PALMD: variants seen among roughly 807,000 people sequenced by gnomAD.
The protein encoded by PALMD is paralemmin-like protein.
In PALMD, 42 loss-of-function variants were observed where a neutral mutation model predicts 56.2. That is an observed-to-expected ratio of 0.75 (90% CI 0.58 to 0.97). PALMD has a LOEUF of 0.97. Ranked by LOEUF, PALMD falls within the 50% of genes least tolerant of loss-of-function variation. The pLI, the probability that PALMD is intolerant of heterozygous loss-of-function variation, is 0.00. For synonymous variants in PALMD, 242 were observed against 222.9 expected (o/e 1.09, Z -0.76); for missense variants, 660 against 643.8 (o/e 1.03, Z -0.27).
rs202123371 is a variant in PALMD at position 99,689,289 on chromosome 1, G to T, written c.1029G>T (p.Pro343=). 6.2e-7 allele frequency: 1 copy of T among 1,613,314 alleles called. No homozygotes were observed. Among genetic ancestry groups the T allele is most frequent in the African/African-American group, 1.3e-5 (1 of 74,852 alleles). The change falls in exon 7 of 8, where the codon CCG becomes CCT. Residue 343 remains proline (P), a synonymous_variant. Transcript: ENST00000263174. The stretch of plus-strand genomic sequence containing the variant: ...AAGCAGAAGAGAAGCTTCACACCCC[G>T]CAAAAAAGGCTAATGACTCCTTGGG... ...IQQAEEKLHT[P]QKRLMTPWEE... is the part of the protein sequence containing the mutation.
At position 99,667,554 on chromosome 1, in the gene PALMD, A is replaced by G. The variant is rs563947602; in HGVS notation, c.127-88A>G. On this transcript the variant is annotated intron_variant, in intron 2 of 7. Coordinates refer to ENST00000263174, the MANE Select transcript of PALMD (RefSeq NM_017734.5). ...ATAATTCCTCTTTAACGTGTCACCTATTGAAATTCATAAGATTTGAAAGCA... is the reference window on the plus strand; with the variant it reads ...ATAATTCCTCTTTAACGTGTCACCTGTTGAAATTCATAAGATTTGAAAGCA... The G allele has an allele frequency of 1.3e-4, 140 of 1,062,404 alleles. 2 individuals carry two copies. In the South Asian group the frequency reaches 1.8e-3, roughly 14 times the overall value. The allele number at this position is 1,062,404 out of a possible 1,614,324, so 65.8% of individuals were successfully genotyped here.
At chr1:99,671,397 T>C (rs1653085120) in intron 3 of PALMD, among the ~76,000 whole-genome samples, 1 of 152,158 alleles carries the variant, frequency 6.6e-6, no homozygotes, top group Admixed American at 6.5e-5. Context: ...GAGCCTCAGT[T>C]TCCTTGCCTG....
intron 3 of PALMD, among the ~76,000 whole-genome samples, chr1:99,673,031 G>A (rs373203084): frequency 6.6e-6 from 1 of 152,120 alleles, no homozygotes; most frequent in East Asian, 1.9e-4. Context: ...AGCCAAGTGG[G>A]CTGGTACAGC....
Position 99,681,576 on chromosome 1 carries a change from A to C in PALMD, c.252-5100A>C, listed in dbSNP as rs1037656916. Among the ~76,000 whole-genome samples, 3 of 152,232 alleles carry C rather than the reference A, an allele frequency of 2.0e-5. No homozygotes were observed. In the South Asian group the frequency reaches 6.2e-4, roughly 32 times the overall value. Reference sequence around the variant, plus strand: ...ATAAAAATATAAAAGAAATGGATATAAACAAATTCCTTATAAAGTACCTAT... The same window carrying C: ...ATAAAAATATAAAAGAAATGGATATCAACAAATTCCTTATAAAGTACCTAT... On this transcript the variant is annotated intron_variant, in intron 3 of 7. Coordinates refer to ENST00000263174, the MANE Select transcript of PALMD (RefSeq NM_017734.5).
At chr1:99,691,601 G>C (rs561650780) in intron 7 of PALMD, among the ~76,000 whole-genome samples, 1 of 152,144 alleles carries the variant, frequency 6.6e-6, no homozygotes, top group Admixed American at 6.6e-5. Flanking sequence ...TTTTTAAGTA[G>C]GTTTTAAAAA....
intron 3 of PALMD, among the ~76,000 whole-genome samples, chr1:99,671,499 C>A (rs1301196683): frequency 6.6e-6 from 1 of 152,166 alleles, no homozygotes; most frequent in African/African-American, 2.4e-5. Flanking sequence ...AAATACTAGT[C>A]CTTACTAAAA....
chr1:99,689,279 T>C lies in PALMD; in HGVS notation c.1019T>C (p.Leu340Pro). ...RSVIQQAEEK[L>P]HTPQKRLMTP... is the part of the protein sequence containing the mutation. Reference sequence around the variant, plus strand: ...GTGATTCAACAAGCAGAAGAGAAGCTTCACACCCCGCAAAAAAGGCTAATG... The same window carrying C: ...GTGATTCAACAAGCAGAAGAGAAGCCTCACACCCCGCAAAAAAGGCTAATG... The change falls in exon 7 of 8, where the codon CTT (leucine) becomes CCT (proline). Residue 340 changes from leucine to proline, a missense_variant. Leu to Pro is a moderately conservative substitution (Grantham distance 98). Coordinates refer to ENST00000263174, the MANE Select transcript of PALMD (RefSeq NM_017734.5). The C allele has an allele frequency of 6.2e-7, 1 of 1,613,412 alleles. No homozygotes were observed. The highest frequency in any genetic ancestry group is 1.7e-4 in the Middle Eastern group (1 of 6,058).
intron 7 of PALMD, among the ~76,000 whole-genome samples, chr1:99,692,445 A>G (rs1157532902): frequency 6.6e-6 from 1 of 152,214 alleles, no homozygotes; most frequent in Non-Finnish European, 1.5e-5. Context: ...GAAGTAAAAA[A>G]GAGAGCTGAT....
chr1:99,681,455 T>C (rs1011911674), intron 3 of PALMD, among the ~76,000 whole-genome samples: 2 of 152,136 alleles, frequency 1.3e-5, no homozygotes, highest in East Asian at 1.9e-4. Context: ...CAGGGCCGAA[T>C]ATTCTCTTAA....
chr1:99,664,089 G>A (rs1652911382), intron 2 of PALMD, among the ~76,000 whole-genome samples: 1 of 152,122 alleles, frequency 6.6e-6, no homozygotes, highest in South Asian at 2.1e-4. Flanking sequence ...TATACCTGGA[G>A]CAAAAGGTTT....
intron 1 of PALMD, among the ~76,000 whole-genome samples, chr1:99,660,414 T>C (rs1026144623): frequency 2.6e-5 from 4 of 152,218 alleles, no homozygotes; most frequent in Admixed American, 6.5e-5. Context: ...GAAATTAGCA[T>C]AGTATCTCTT....
chr1:99,670,462 T>C (rs1428506416), intron 3 of PALMD, among the ~76,000 whole-genome samples: 1 of 152,154 alleles, frequency 6.6e-6, no homozygotes, highest in Non-Finnish European at 1.5e-5. Context: ...AGAAAGTGAC[T>C]TAATTAAGGC....
At chr1:99,661,370 G>A (rs1038196583) in intron 1 of PALMD, among the ~76,000 whole-genome samples, 1 of 152,146 alleles carries the variant, frequency 6.6e-6, no homozygotes, top group African/African-American at 2.4e-5. Flanking sequence ...CAGATTTAAT[G>A]TGTTGCTTTC....
chr1:99,652,309 TC>T (rs1465994772), intron 1 of PALMD, among the ~76,000 whole-genome samples: 1 of 152,112 alleles, frequency 6.6e-6, no homozygotes, highest in African/African-American at 2.4e-5. Context: ...GTTCAGGACT[TC>T]CGTAGATTTC....
intron 3 of PALMD, among the ~76,000 whole-genome samples, chr1:99,671,417 A>T (rs1055967652): frequency 6.6e-6 from 1 of 151,866 alleles, no homozygotes; most frequent in African/African-American, 2.4e-5. Flanking sequence ...GTAATGTGAG[A>T]CAGTTATAGC....
In PALMD at chr1:99,649,531, C is replaced by T. The variant is rs148829248; in HGVS notation, c.45+3169C>T. Among the ~76,000 whole-genome samples the T allele has an allele frequency of 3.0e-3, 462 of 152,232 alleles. 3 individuals are homozygous for T. Among genetic ancestry groups the T allele is most frequent in the South Asian group, 7.1e-3 (34 of 4,810 alleles). On this transcript the variant is annotated intron_variant, in intron 1 of 7. Transcript: ENST00000263174. ...TGAACGTACCACTGACAGAGTTATC[C>T]CTACAGAGTTACTGTCTGAAAGTGA... is the stretch of plus-strand genomic sequence containing the variant.
intron 1 of PALMD, among the ~76,000 whole-genome samples, chr1:99,650,047 T>TG (rs1212201108): frequency 2.0e-5 from 3 of 151,488 alleles, no homozygotes; most frequent in Admixed American, 1.3e-4. Context: ...ATGTGAGGAG[T>TG]GGGGATGGGA....
At chr1:99,649,338 T>C (rs1652515758) in intron 1 of PALMD, among the ~76,000 whole-genome samples, 1 of 152,344 alleles carries the variant, frequency 6.6e-6, no homozygotes, top group South Asian at 2.1e-4. Flanking sequence ...CAGTACACAC[T>C]TGAACAAATA....
chr1:99,693,955 G>T, intron 7 of PALMD, 64 bp from the exon 8 acceptor site: 1 of 1,089,658 alleles, frequency 9.2e-7, no homozygotes, highest in East Asian at 2.5e-5. Context: ...TTCTATGAAT[G>T]GCCATTTAGA....
Sources: allele counts gnomAD v4.1 joint callset (sites outside exome capture counted in the v4.1 genomes callset), GRCh38; gene constraint gnomAD v4.1.1; transcripts MANE v1.5; gene names NCBI Gene and HGNC (gene_info 2026-07-23, HGNC 2026-07-21).